ENPP2: variants seen among roughly 807,000 people sequenced by gnomAD.
ENPP2 encodes the protein autotaxin.
A neutral mutation model predicts 120.2 loss-of-function variants in ENPP2; 51 were observed. That is an observed-to-expected ratio of 0.42 (90% CI 0.34 to 0.54). The LOEUF (loss-of-function observed/expected upper bound fraction) is 0.54. ENPP2 is among the 20% of genes least tolerant of loss of function. The pLI is 0.04. For missense variants in ENPP2, 920 were observed against 1,066.5 expected, an observed-to-expected ratio of 0.86 and a Z score of 1.91; for synonymous variants, 365 against 366.4, an observed-to-expected ratio of 1.00 and a Z score of 0.04.
intron 1 of ENPP2, among the ~76,000 whole-genome samples, chr8:119,651,676 C>G (rs993302069): frequency 1.3e-5 from 2 of 152,068 alleles, no homozygotes; most frequent in African/African-American, 2.4e-5. Flanking sequence ...ATAATAGGAG[C>G]CACAGATTAA....
Position 119,580,038 on chromosome 8 carries a change from T to C in ENPP2, c.1780+78A>G, listed in dbSNP as rs1317071567. On this transcript the variant is annotated intron_variant, in intron 19 of 24. Transcript: ENST00000075322. ...ATTTTAAACAATATTGTGCTTACAC[T>C]ATAATGTAAATAAGAAGCCTTTTCG... 19 of 939,202 alleles carry C rather than the reference T, an allele frequency of 2.0e-5. No individual in the cohort carries two copies. In the East Asian group the frequency reaches 4.3e-4, roughly 21 times the overall value. The allele number at this position is 939,202 out of a possible 1,614,324, so 58.2% of individuals were successfully genotyped here.
intron 1 of ENPP2, among the ~76,000 whole-genome samples, chr8:119,658,579 T>A (rs573725430): frequency 1.3e-5 from 2 of 152,318 alleles, no homozygotes; most frequent in Admixed American, 1.3e-4. Context: ...TAACTCCTCC[T>A]ATTTCTCCAC....
intron 19 of ENPP2, among the ~76,000 whole-genome samples, chr8:119,576,508 A>T (rs78846382): frequency 2.0e-3 from 300 of 152,352 alleles, no homozygotes; most frequent in Non-Finnish European, 3.6e-3. Flanking sequence ...AAGTATACAT[A>T]GGTGTTAAAA....
chr8:119,652,111 C>A (rs1050571726), intron 1 of ENPP2, among the ~76,000 whole-genome samples: 2 of 152,058 alleles, frequency 1.3e-5, no homozygotes, highest in East Asian at 3.9e-4. Flanking sequence ...GGTTTACGAT[C>A]AAGGCACCAG....
upstream of ENPP2, among the ~76,000 whole-genome samples, chr8:119,640,956 A>G (rs535154856): frequency 7.8e-4 from 118 of 152,202 alleles, 1 homozygote; most frequent in Non-Finnish European, 1.4e-3. Context: ...CATGTTGGTC[A>G]GGATGGTCTC....
At chr8:119,558,459 A>T (rs1467439334) in intron 24 of ENPP2, among the ~76,000 whole-genome samples, 1 of 152,112 alleles carries the variant, frequency 6.6e-6, no homozygotes, top group Non-Finnish European at 1.5e-5. Context: ...GAAACACGGA[A>T]AAAAGAAAGT....
intron 8 of ENPP2, among the ~76,000 whole-genome samples, chr8:119,610,526 G>A (rs764128543): frequency 1.2e-4 from 18 of 150,896 alleles, no homozygotes; most frequent in African/African-American, 3.7e-4. Context: ...GAAGCTTCCC[G>A]GTTCCTTGTT....
At chr8:119,611,809 T>G (rs1563731827) in intron 8 of ENPP2, among the ~76,000 whole-genome samples, 1 of 152,014 alleles carries the variant, frequency 6.6e-6, no homozygotes, top group Non-Finnish European at 1.5e-5. Context: ...ACAGATCACT[T>G]GAGGTCAGGA....
At chr8:119,648,346 G>GATT (rs1563771647) in intron 1 of ENPP2, among the ~76,000 whole-genome samples, 1 of 152,184 alleles carries the variant, frequency 6.6e-6, no homozygotes, top group East Asian at 1.9e-4. Flanking sequence ...TTTATGGAGA[G>GATT]ATTATATGTA....
At chr8:119,632,451 T>C (rs567586003) in intron 2 of ENPP2, among the ~76,000 whole-genome samples, 2 of 152,376 alleles carry the variant, frequency 1.3e-5, no homozygotes, top group East Asian at 3.9e-4. Context: ...CAAATGATGT[T>C]ATTTTACTTC....
chr8:119,669,761 T>G (rs183074156), intron 1 of ENPP2, among the ~76,000 whole-genome samples: 1 of 152,294 alleles, frequency 6.6e-6, no homozygotes, highest in African/African-American at 2.4e-5. Flanking sequence ...AAGAGTAGTG[T>G]GTATCTATAC....
chr8:119,621,749 T>C (rs1006192463), intron 3 of ENPP2, among the ~76,000 whole-genome samples: 3 of 152,188 alleles, frequency 2.0e-5, no homozygotes, highest in African/African-American at 4.8e-5. Context: ...TGGGTTCCTT[T>C]GGAAAAATGG....
intron 2 of ENPP2, among the ~76,000 whole-genome samples, chr8:119,629,420 G>A (rs1035823220): frequency 2.6e-5 from 4 of 152,088 alleles, no homozygotes; most frequent in Admixed American, 1.3e-4. Flanking sequence ...CAAGAAGCAG[G>A]AGAAGAACAG....
In ENPP2 at chr8:119,583,795, CA is replaced by C; in HGVS notation, c.1464del (p.Phe488LeufsTer2). On this transcript the variant is annotated frameshift_variant, in exon 17 of 25. Transcript: ENST00000075322. LOFTEE classifies it high-confidence loss of function. Reference sequence around the variant, plus strand: ...TACTTAAATGTTGAGCCATAACCTACAAAAACAGTCTTCCAAAAGAAAAGAA... The same window carrying C: ...TACTTAAATGTTGAGCCATAACCTACAAAACAGTCTTCCAAAAGAAAAGAA... ...DNKVNSMQTV[F>X]VGYGSTFKYK... is the part of the protein sequence containing the mutation. 1 of 1,585,290 alleles carries C rather than the reference CA, an allele frequency of 6.3e-7. No individual in the cohort carries two copies. Among genetic ancestry groups the C allele is most frequent in the South Asian group, 1.1e-5 (1 of 88,870 alleles).
rs776745270 is a variant in ENPP2, at chr8:119,564,860, A to G, written c.2227T>C (p.Tyr743His). The change falls in exon 23 of 25, where the codon TAT (tyrosine) becomes CAT (histidine). Residue 743 changes from tyrosine (Y) to histidine (H), a missense_variant. Coordinates refer to ENST00000075322, the MANE Select transcript of ENPP2 (RefSeq NM_001040092.3). The part of the protein sequence containing the change: ...VISGPIFDYD[Y>H]DGLHDTEDKI... ...TCTTCTGTGTCATGTAAGCCATCAT[A>G]GTCATAGTCGAAGATTGGTCCACTT... 1.3e-5 allele frequency: 21 copies of G among 1,613,616 alleles called. No individual in the cohort carries two copies. In the South Asian group the frequency reaches 2.2e-4, roughly 17 times the overall value.
chr8:119,561,807 G>C (rs1202394411), intron 24 of ENPP2, among the ~76,000 whole-genome samples: 1 of 151,802 alleles, frequency 6.6e-6, no homozygotes, highest in East Asian at 1.9e-4. Context: ...GTGTGTGTGT[G>C]TGTGTGTTTG....
At chr8:119,565,207 G>C (rs1170446339) in intron 22 of ENPP2, among the ~76,000 whole-genome samples, 1 of 152,120 alleles carries the variant, frequency 6.6e-6, no homozygotes, top group East Asian at 1.9e-4. Context: ...AGTCAGGAAA[G>C]GATCCTCCCA....
intron 11 of ENPP2, chr8:119,596,072 A>C: frequency 4.1e-6 from 6 of 1,448,932 alleles, no homozygotes; most frequent in Non-Finnish European, 5.7e-6. Context: ...TAAAGCTTAC[A>C]CTTTCCCATC....
At chr8:119,613,198 T>C (rs1815232990) in intron 8 of ENPP2, among the ~76,000 whole-genome samples, 1 of 152,140 alleles carries the variant, frequency 6.6e-6, no homozygotes, top group African/African-American at 2.4e-5. Context: ...GTATGAGAAA[T>C]GCAGGGTCCT....
Sources: gnomAD v4.1 joint callset for allele counts (sites outside exome capture counted in the v4.1 genomes callset) on GRCh38, gnomAD v4.1.1 for gene constraint, MANE v1.5 for transcripts, NCBI Gene and HGNC (gene_info 2026-07-23, HGNC 2026-07-21) for gene names.